Variants in IRAK1BP1 observed in about 807,000 individuals in gnomAD.
IRAK1BP1 encodes interleukin 1 receptor associated kinase 1 binding protein 1, also known as interleukin-1 receptor-associated kinase 1-binding protein 1.
IRAK1BP1 carries 24 observed loss-of-function variants against 28.0 expected under a neutral mutation model. That is an observed-to-expected ratio of 0.86 (90% confidence interval 0.62 to 1.20). The LOEUF is 1.20. Among genes scored for constraint, IRAK1BP1 ranks in the 50% most tolerant of loss-of-function variants. The pLI, the probability that IRAK1BP1 is intolerant of heterozygous loss-of-function variation, is 0.00. For missense variants in IRAK1BP1, 336 were observed against 316.7 expected (o/e 1.06, Z -0.46); for synonymous variants, 131 against 116.3 (o/e 1.13, Z -0.81).
chr6:78,885,837 A>G (rs1771412832), intron 2 of IRAK1BP1, among the ~76,000 whole-genome samples: 1 of 152,222 alleles, frequency 6.6e-6, no homozygotes, highest in Non-Finnish European at 1.5e-5. Flanking sequence ...ATTGTGATAA[A>G]TATTGTTTAA....
the IRAK1BP1 span, chr6:78,978,708 A>T: frequency 6.3e-7 from 1 of 1,594,062 alleles, no homozygotes; most frequent in Non-Finnish European, 8.6e-7. Context: ...CCCACAGCCA[A>T]TCTCTGACAA....
intron 1 of IRAK1BP1, among the ~76,000 whole-genome samples, chr6:78,875,999 A>C (rs1214556759): frequency 6.6e-6 from 1 of 152,084 alleles, no homozygotes; most frequent in Non-Finnish European, 1.5e-5. Context: ...TTTTATGGCT[A>C]TTGAGATTGT....
chr6:78,942,158 T>G (rs1467400134), intron 4 of IRAK1BP1, among the ~76,000 whole-genome samples: 1 of 152,182 alleles, frequency 6.6e-6, no homozygotes, highest in African/African-American at 2.4e-5. Context: ...GCATTTTTGG[T>G]CACAGGTTGG....
downstream of IRAK1BP1, among the ~76,000 whole-genome samples, chr6:78,947,385 T>C (rs1018549904): frequency 1.3e-5 from 2 of 152,180 alleles, no homozygotes; most frequent in South Asian, 2.1e-4. Flanking sequence ...CCAGGACAAT[T>C]TGCATCAACC....
At chr6:78,897,398 C>A (rs1403377523) in intron 2 of IRAK1BP1, among the ~76,000 whole-genome samples, 2 of 151,864 alleles carry the variant, frequency 1.3e-5, no homozygotes, top group African/African-American at 4.8e-5. Flanking sequence ...TTAGCTTCCA[C>A]ATATAGATCT....
At chr6:78,876,826 C>T (rs1357873731) in intron 1 of IRAK1BP1, among the ~76,000 whole-genome samples, 1 of 152,148 alleles carries the variant, frequency 6.6e-6, no homozygotes, top group Non-Finnish European at 1.5e-5. Flanking sequence ...AAAAATGTCT[C>T]CAGGCATTGG....
chr6:78,971,613 G>T, the IRAK1BP1 span, among the ~76,000 whole-genome samples: 1 of 152,152 alleles, frequency 6.6e-6, no homozygotes, highest in Non-Finnish European at 1.5e-5. Context: ...TCCATCTGAG[G>T]TAACGGGTTC....
intron 4 of IRAK1BP1, chr6:78,941,343 A>C (rs773276132): frequency 1.3e-6 from 2 of 1,591,868 alleles, no homozygotes; most frequent in Non-Finnish European, 1.7e-6. Flanking sequence ...AAAAGGGAAC[A>C]ACAGTACACT....
chr6:78,878,849 C>T (rs180773077), intron 1 of IRAK1BP1, among the ~76,000 whole-genome samples: 244 of 152,168 alleles, frequency 1.6e-3, no homozygotes, highest in African/African-American at 4.9e-3. Context: ...AACTACGTGA[C>T]GCATGCACAA....
the IRAK1BP1 span, among the ~76,000 whole-genome samples, chr6:78,977,978 T>A: frequency 6.6e-6 from 1 of 152,160 alleles, no homozygotes; most frequent in African/African-American, 2.4e-5. Flanking sequence ...GGACACCAGA[T>A]AACACTGCCT....
chr6:78,889,335 T>G (rs1040962955), intron 2 of IRAK1BP1, among the ~76,000 whole-genome samples: 1 of 151,920 alleles, frequency 6.6e-6, no homozygotes, highest in Admixed American at 6.6e-5. Flanking sequence ...GAAGAAAACC[T>G]AGGCAATACC....
intron 1 of IRAK1BP1, among the ~76,000 whole-genome samples, chr6:78,876,261 C>G (rs1366847019): frequency 1.3e-5 from 2 of 152,208 alleles, no homozygotes; most frequent in African/African-American, 4.8e-5. Flanking sequence ...CTTGCTTCCC[C>G]TTTGCCTTCT....
At chr6:78,893,776 G>A (rs1205555680) in intron 2 of IRAK1BP1, among the ~76,000 whole-genome samples, 2 of 151,932 alleles carry the variant, frequency 1.3e-5, no homozygotes, top group African/African-American at 2.4e-5. Context: ...TGGTGGTCAC[G>A]CCTGTAGTCC....
downstream of IRAK1BP1, among the ~76,000 whole-genome samples, chr6:78,951,235 T>A (rs185344847): frequency 6.4e-4 from 97 of 152,294 alleles, 1 homozygote; most frequent in South Asian, 8.1e-3. Context: ...TTAATGTAAA[T>A]TTTATTTATG....
At chr6:78,894,937 C>T (rs1771825659) in intron 2 of IRAK1BP1, among the ~76,000 whole-genome samples, 3 of 151,834 alleles carry the variant, frequency 2.0e-5, no homozygotes, top group South Asian at 2.1e-4. Flanking sequence ...GGTGAAACCC[C>T]GTCTCTACAA....
At chr6:78,934,320 G>T (rs1323119838) in intron 4 of IRAK1BP1, among the ~76,000 whole-genome samples, 1 of 152,208 alleles carries the variant, frequency 6.6e-6, no homozygotes, top group Non-Finnish European at 1.5e-5. Context: ...TGTGACACAT[G>T]AAGTTATCAC....
intron 4 of IRAK1BP1, among the ~76,000 whole-genome samples, chr6:78,913,606 C>G (rs1322544487): frequency 6.6e-6 from 1 of 152,150 alleles, no homozygotes; most frequent in Non-Finnish European, 1.5e-5. Context: ...AGATTACACA[C>G]TGTACTCCAG....
Position 78,867,576 on chromosome 6 carries a change from T to A in IRAK1BP1, c.-1T>A, listed in dbSNP as rs760097788. 1.9e-6 allele frequency: 3 copies of A among 1,612,864 alleles called. No individual in the cohort carries two copies. The highest frequency in any genetic ancestry group is 1.7e-6 in the Non-Finnish European group (2 of 1,179,476). ...ACTATGGAAACCCAGCTGCCATCGC[T>A]ATGTCTCTGCAAAAGACCCCTCCGA... On this transcript the variant is annotated 5_prime_UTR_variant, in exon 1 of 4. Transcript: ENST00000369940.
the IRAK1BP1 span, chr6:78,955,942 G>A: frequency 8.2e-6 from 2 of 243,074 alleles, no homozygotes; most frequent in African/African-American, 4.4e-5. Flanking sequence ...GGTATCTGCT[G>A]TGCTTCTTCC....
Sources: allele counts gnomAD v4.1 joint callset (sites outside exome capture counted in the v4.1 genomes callset), GRCh38; gene constraint gnomAD v4.1.1; transcripts MANE v1.5; gene names NCBI Gene and HGNC (gene_info 2026-07-23, HGNC 2026-07-21).